ANKRD44: variants seen among roughly 807,000 people sequenced by gnomAD.
ANKRD44 encodes the protein serine/threonine-protein phosphatase 6 regulatory ankyrin repeat subunit B.
A neutral mutation model predicts 116.0 loss-of-function variants in ANKRD44; 35 were observed. The ratio of observed to expected loss-of-function variants is 0.30; its 90% CI spans 0.23 to 0.40. ANKRD44 has a LOEUF of 0.40. Ranked by LOEUF, ANKRD44 falls within the 10% of genes least tolerant of loss-of-function variation. The pLI is 1.00. For missense variants in ANKRD44, 1,014 were observed against 1,242.6 expected, an observed-to-expected ratio of 0.82 and a Z score of 2.77; for synonymous variants, 435 against 461.8, an observed-to-expected ratio of 0.94 and a Z score of 0.74.
chr2:197,123,058 A>G (rs2579398), intron 6 of ANKRD44, among the ~76,000 whole-genome samples: 145,311 of 152,268 alleles, frequency 0.95, 69,409 homozygotes, highest in East Asian at 1. Context: ...TTGTTACCAC[A>G]CTAATGAATA....
intron 1 of ANKRD44, among the ~76,000 whole-genome samples, chr2:197,226,373 A>T (rs2081713161): frequency 6.6e-6 from 1 of 152,098 alleles, no homozygotes; most frequent in African/African-American, 2.4e-5. Context: ...AATATTTCTT[A>T]AGAGTTTCCC....
chr2:197,127,141 G>A (rs2078995284), intron 4 of ANKRD44, among the ~76,000 whole-genome samples: 1 of 152,138 alleles, frequency 6.6e-6, no homozygotes, highest in Admixed American at 6.5e-5. Flanking sequence ...GAAGTCCAGG[G>A]CAATGACCTG....
At chr2:196,989,746 T>G in intron 27 of ANKRD44, 97 bp from the exon 28 acceptor site, 1 of 1,520,442 alleles carries the variant, frequency 6.6e-7, no homozygotes, top group Non-Finnish European at 8.8e-7. Flanking sequence ...ATTTCTACTT[T>G]CTGCTTTCAC....
At chr2:197,016,048 G>C in intron 17 of ANKRD44, 1 of 517,132 alleles carries the variant, frequency 1.9e-6, no homozygotes, top group Non-Finnish European at 3.8e-6. Context: ...TTCTTAGCAG[G>C]AGAGAGCGAT....
At chr2:197,002,360 T>A (rs2076129083) in intron 21 of ANKRD44, among the ~76,000 whole-genome samples, 1 of 152,190 alleles carries the variant, frequency 6.6e-6, no homozygotes, top group African/African-American at 2.4e-5. Flanking sequence ...ATCATGGGCA[T>A]TCAGTAAGCA....
intron 11 of ANKRD44, among the ~76,000 whole-genome samples, chr2:197,089,359 G>A (rs1194877064): frequency 2.0e-5 from 3 of 152,096 alleles, no homozygotes; most frequent in Non-Finnish European, 2.9e-5. Context: ...ATTTTTGAAA[G>A]CCCAGGAATT....
At chr2:197,025,465 A>T (rs1418913002) in intron 16 of ANKRD44, among the ~76,000 whole-genome samples, 198 bp from the exon 17 acceptor site, 3 of 152,234 alleles carry the variant, frequency 2.0e-5, no homozygotes, top group Middle Eastern at 3.2e-3. Flanking sequence ...GAATCCAGAA[A>T]AATAATTCAT....
intron 16 of ANKRD44, among the ~76,000 whole-genome samples, chr2:197,047,024 CT>C (rs11431937): frequency 2.7e-5 from 4 of 148,862 alleles, no homozygotes; most frequent in Admixed American, 1.3e-4. Flanking sequence ...AACAGAATTA[CT>C]TTTTTTTTTT....
chr2:197,042,651 G>C (rs545547930), intron 16 of ANKRD44, among the ~76,000 whole-genome samples: 1 of 151,942 alleles, frequency 6.6e-6, no homozygotes, highest in African/African-American at 2.4e-5. Flanking sequence ...AGAAAGCCCA[G>C]GAATAACATA....
intron 2 of ANKRD44, among the ~76,000 whole-genome samples, chr2:197,165,491 T>C (rs1234251187): frequency 6.6e-6 from 1 of 152,176 alleles, no homozygotes; most frequent in Non-Finnish European, 1.5e-5. Flanking sequence ...ACAAGAAGTG[T>C]CTCTGATCTC....
chr2:197,300,758 CTTT>C (rs112803787), intron 1 of ANKRD44, among the ~76,000 whole-genome samples: 3 of 122,718 alleles, frequency 2.4e-5, no homozygotes, highest in African/African-American at 3.3e-5. Flanking sequence ...TTTCATTTTC[CTTT>C]TTTTTTTTTT....
intron 3 of ANKRD44, among the ~76,000 whole-genome samples, chr2:197,141,174 G>T (rs2079356131): frequency 6.6e-6 from 1 of 152,102 alleles, no homozygotes; most frequent in Non-Finnish European, 1.5e-5. Flanking sequence ...CCGAGATCAT[G>T]CCACTGCCCT....
chr2:197,277,112 A>G (rs1353619163), intron 1 of ANKRD44, among the ~76,000 whole-genome samples: 2 of 151,824 alleles, frequency 1.3e-5, no homozygotes, highest in Admixed American at 6.6e-5. Flanking sequence ...TATTTTTAGT[A>G]GAGACGGGGT....
At chr2:197,137,957 A>G (rs1410807076) in intron 3 of ANKRD44, among the ~76,000 whole-genome samples, 1 of 152,192 alleles carries the variant, frequency 6.6e-6, no homozygotes, top group Non-Finnish European at 1.5e-5. Context: ...CAGTAACAGG[A>G]AGCTGTGGGC....
intron 16 of ANKRD44, among the ~76,000 whole-genome samples, chr2:197,060,697 C>T (rs192705146): frequency 6.6e-6 from 1 of 152,274 alleles, no homozygotes; most frequent in East Asian, 1.9e-4. Flanking sequence ...CCCCCTAGAC[C>T]TCAGCTCCTG....
intron 2 of ANKRD44, among the ~76,000 whole-genome samples, chr2:197,154,819 A>ACT (rs1470486825): frequency 6.6e-6 from 1 of 152,184 alleles, no homozygotes; most frequent in East Asian, 1.9e-4. Flanking sequence ...GGTGACAGCA[A>ACT]ATCTCTGTCC....
At chr2:197,108,859 C>CAAAAAAAA in intron 9 of ANKRD44, among the ~76,000 whole-genome samples, 1 of 148,778 alleles carries the variant, frequency 6.7e-6, no homozygotes, top group African/African-American at 2.6e-5. Flanking sequence ...ACAACAACAA[C>CAAAAAAAA]AACAACAACA....
At chr2:197,142,185 CA>C (rs2079383386) in intron 3 of ANKRD44, among the ~76,000 whole-genome samples, 1 of 152,114 alleles carries the variant, frequency 6.6e-6, no homozygotes, top group Non-Finnish European at 1.5e-5. Context: ...TCATAGAGAT[CA>C]GGGGTGAAGT....
chr2:197,090,728 C>G (rs984436561), intron 10 of ANKRD44, among the ~76,000 whole-genome samples: 2 of 152,152 alleles, frequency 1.3e-5, no homozygotes, highest in African/African-American at 4.8e-5. Context: ...GGCCCTCCCC[C>G]ACCAAATCCT....
Sources: gnomAD v4.1 joint callset for allele counts (sites outside exome capture counted in the v4.1 genomes callset) on GRCh38, gnomAD v4.1.1 for gene constraint, MANE v1.5 for transcripts, NCBI Gene and HGNC (gene_info 2026-07-23, HGNC 2026-07-21) for gene names.